MYOM2: variants seen among roughly 807,000 people sequenced by gnomAD.
MYOM2 encodes myomesin-2.
Under a neutral mutation model 187.6 loss-of-function variants are expected in MYOM2, and 254 were observed. That is an observed-to-expected ratio of 1.35 (90% CI 1.22 to 1.50). MYOM2 has a LOEUF of 1.50. Ranked by LOEUF, MYOM2 falls within the 40% of genes most tolerant of loss-of-function variation. MYOM2 has a pLI of 0.00. For synonymous variants in MYOM2, 981 were observed against 753.8 expected, an observed-to-expected ratio of 1.30 and a Z score of -4.94; for missense variants, 2,796 against 1,924.0, an observed-to-expected ratio of 1.45 and a Z score of -8.48.
intron 19 of MYOM2, 119 bp downstream of exon 19, chr8:2,099,102 G>T (rs1358029279): frequency 7.5e-7 from 1 of 1,328,000 alleles, no homozygotes; most frequent in Non-Finnish European, 1.0e-6. Flanking sequence ...TCCGACACCC[G>T]CAGCCGCAGA....
rs1254261489 is a variant in MYOM2 at position 2,064,208 on chromosome 8, ACCCTGGGAGGCAGGGCAAGGGTG to A, written c.653+4968_653+4990del. Among the ~76,000 whole-genome samples the A allele has an allele frequency of 2.0e-5, 3 of 152,256 alleles. No homozygotes were observed. The East Asian group carries it at 5.8e-4, about 29-fold the overall frequency. On this transcript the variant is annotated intron_variant, in intron 6 of 36. Transcript: ENST00000262113. Reference sequence around the variant, plus strand: ...CGGCCTCGGGGCAGGCAGGGGGCAAACCCTGGGAGGCAGGGCAAGGGTGCCCTTACCTCCCTCCCAGGGCAGGT... The same window carrying A: ...CGGCCTCGGGGCAGGCAGGGGGCAAACCCTTACCTCCCTCCCAGGGCAGGT...
rs946530816 is a variant in MYOM2 at position 2,138,368 on chromosome 8, G to A, written c.3801-2355G>A. 5.9e-5 allele frequency among the ~76,000 whole-genome samples: 9 copies of A among 152,272 alleles called. No homozygotes were observed. The East Asian group carries it at 7.7e-4, about 13-fold the overall frequency. ...GACTGTGGACTGAGAGCAGCTGGGC[G>A]GAGCCTGGGGCTCTGCTGCGGGGTC... On this transcript the variant is annotated intron_variant, in intron 32 of 36. Coordinates refer to ENST00000262113, the MANE Select transcript of MYOM2 (RefSeq NM_003970.4).
chr8:2,090,293 G>A (rs1796253794), intron 15 of MYOM2, 102 bp downstream of exon 15: 16 of 1,148,808 alleles, frequency 1.4e-5, no homozygotes, highest in East Asian at 2.7e-5. Context: ...TGTTATAAAC[G>A]AGTTGAAGTT....
chr8:2,085,465 A>C lies in MYOM2; in HGVS notation c.1644+75A>C, dbSNP rs775719869. ...CACTGTCATGATCTCTGCGTGGCCC[A>C]CCGCTGTCGTGATCTCCGCGTGGCC... On this transcript the variant is annotated intron_variant, in intron 14 of 36. Coordinates refer to ENST00000262113, the MANE Select transcript of MYOM2 (RefSeq NM_003970.4). The C allele has an allele frequency of 2.5e-3, 3,627 of 1,439,620 alleles. 87 individuals carry two copies. Among genetic ancestry groups the C allele is most frequent in the Middle Eastern group, 7.8e-3 (38 of 4,890 alleles). 89.2% of individuals were successfully genotyped at this position (1,439,620 alleles called of 1,614,324 possible). A position where few individuals can be genotyped will look rare whatever the true frequency, so the allele number is the denominator to read the frequency against.
intron 25 of MYOM2, among the ~76,000 whole-genome samples, chr8:2,113,270 G>A (rs770446496): frequency 6.6e-6 from 1 of 152,238 alleles, no homozygotes; most frequent in South Asian, 2.1e-4. Flanking sequence ...ACACTGGGAT[G>A]TGGTCCTTCT....
intron 16 of MYOM2, 47 bp downstream of exon 16, chr8:2,092,567 A>G: frequency 6.3e-7 from 1 of 1,594,064 alleles, no homozygotes; most frequent in Non-Finnish European, 8.6e-7. Context: ...CAGGAGTAGC[A>G]AGACCGTTGA....
chr8:2,103,127 G>A (rs58772214), intron 21 of MYOM2, among the ~76,000 whole-genome samples: 2,344 of 147,772 alleles, frequency 0.016, 58 homozygotes, highest in African/African-American at 0.056. Context: ...TGTATGGGTG[G>A]GTGGGTGTGT....
At position 2,078,915 on chromosome 8, in the gene MYOM2, G is replaced by C; in HGVS notation, c.1444G>C (p.Asp482His). The C allele has an allele frequency of 1.2e-6, 2 of 1,613,866 alleles. No homozygotes were observed. Among genetic ancestry groups the C allele is most frequent in the Non-Finnish European group, 1.7e-6 (2 of 1,179,836 alleles). Residue 482 changes from aspartate to histidine, a missense_variant, in exon 12 of 37, where the codon GAC becomes CAC. Transcript: ENST00000262113. The stretch of plus-strand genomic sequence containing the variant: ...TGCGGTGGCTGCACTTGACCCCTTG[G>C]ACCTCAGAAGGTTACAAGGTAAGCT... ...SDAVAALDPL[D>H]LRRLQAVHLE... is the part of the protein sequence containing the mutation.
At chr8:2,065,646 T>C (rs571164830) in intron 6 of MYOM2, among the ~76,000 whole-genome samples, 147 of 152,314 alleles carry the variant, frequency 9.7e-4, no homozygotes, top group African/African-American at 3.5e-3. Flanking sequence ...TGTTTCTTCT[T>C]ATTCTCTATT....
intron 32 of MYOM2, among the ~76,000 whole-genome samples, chr8:2,138,205 C>G (rs937155368): frequency 6.6e-6 from 1 of 152,214 alleles, no homozygotes; most frequent in Admixed American, 6.5e-5. Context: ...TCCGTGTTGC[C>G]TTTAATGTAA....
In MYOM2 at chr8:2,059,263, G is replaced by T. The variant is rs375190907; in HGVS notation, c.653+18G>T. The T allele has an allele frequency of 1.2e-6, 2 of 1,608,170 alleles. No individual in the cohort carries two copies. Among genetic ancestry groups the T allele is most frequent in the African/African-American group, 1.3e-5 (1 of 74,954 alleles). ...ATCAACAGGTATGGCTGTGGTGGGG[G>T]CTCTGGACGCTGGCGTCCAGTAATC... On this transcript the variant is annotated intron_variant, in intron 6 of 36. Coordinates refer to ENST00000262113, the MANE Select transcript of MYOM2 (RefSeq NM_003970.4).
Position 2,142,257 on chromosome 8 carries a change from A to G in MYOM2, c.4002-118A>G. On this transcript the variant is annotated intron_variant, in intron 34 of 36. Coordinates refer to ENST00000262113, the MANE Select transcript of MYOM2 (RefSeq NM_003970.4). ...AACATGTTCTTCTAAGAGAATGCAA[A>G]CGTATCTCCTTCTTCTTTTGCTTCA... 1.1e-5 allele frequency: 11 copies of G among 1,016,544 alleles called. No individual in the cohort carries two copies. In the South Asian group the frequency reaches 1.4e-4, roughly 13 times the overall value. The allele number at this position is 1,016,544 out of a possible 1,614,324, so 63.0% of individuals were successfully genotyped here. A position where few individuals can be genotyped will look rare whatever the true frequency, so the allele number is the denominator to read the frequency against.
intron 1 of MYOM2, among the ~76,000 whole-genome samples, chr8:2,045,479 C>T (rs1818282524): frequency 6.6e-6 from 1 of 152,218 alleles, no homozygotes; most frequent in Non-Finnish European, 1.5e-5. Flanking sequence ...CAGGGGGCCC[C>T]CCAGTCAGTG....
Position 2,089,998 on chromosome 8 carries a change from C to G in MYOM2, c.1645-10C>G, listed in dbSNP as rs538389451. The G allele has an allele frequency of 1.9e-6, 3 of 1,613,036 alleles. No homozygotes were observed. The highest frequency in any genetic ancestry group is 2.5e-6 in the Non-Finnish European group (3 of 1,179,372). The stretch of plus-strand genomic sequence containing the variant: ...TTCACTGCCAGTCTCGTTTCTGTTT[C>G]TCTTTGTAGTCCGTGGTGGGGAGCG... On this transcript the variant is annotated splice_polypyrimidine_tract_variant and intron_variant, in intron 14 of 36. Coordinates refer to ENST00000262113, the MANE Select transcript of MYOM2 (RefSeq NM_003970.4).
Position 2,123,164 on chromosome 8 carries a change from G to C in MYOM2, c.3454-88G>C, listed in dbSNP as rs564431620. 70 of 832,794 alleles carry C rather than the reference G, an allele frequency of 8.4e-5. No homozygotes were observed. In the Admixed American group the frequency reaches 1.3e-3, roughly 15 times the overall value. The allele number at this position is 832,794 out of a possible 1,614,324, so 51.6% of individuals were successfully genotyped here. ...AAAAACTAAGGTTTTTTGAGGGGGGGGCTCTGTGATTTAAGATTCTAATAG... is the reference window on the plus strand; with the variant it reads ...AAAAACTAAGGTTTTTTGAGGGGGGCGCTCTGTGATTTAAGATTCTAATAG... On this transcript the variant is annotated intron_variant, in intron 28 of 36. Coordinates refer to ENST00000262113, the MANE Select transcript of MYOM2 (RefSeq NM_003970.4).
intron 27 of MYOM2, among the ~76,000 whole-genome samples, chr8:2,117,254 A>G (rs900577560): frequency 1.3e-5 from 2 of 151,672 alleles, no homozygotes; most frequent in Admixed American, 6.6e-5. Context: ...ATTTATGTAT[A>G]TGAAAGAAGT....
At chr8:2,135,431 T>C (rs2116902099) in intron 32 of MYOM2, among the ~76,000 whole-genome samples, 1 of 152,328 alleles carries the variant, frequency 6.6e-6, no homozygotes, top group Admixed American at 6.5e-5. Context: ...TCATTTGTTT[T>C]GGGAAATGTG....
chr8:2,099,178 T>C (rs925505593), intron 19 of MYOM2, among the ~76,000 whole-genome samples, 195 bp downstream of exon 19: 2 of 152,166 alleles, frequency 1.3e-5, no homozygotes, highest in African/African-American at 4.8e-5. Flanking sequence ...GTTTGGGCTG[T>C]GCGTGGTCCA....
At position 2,116,279 on chromosome 8, in the gene MYOM2, A is replaced by G; in HGVS notation, c.3385+4A>G. Reference sequence around the variant, plus strand: ...AAAGAATTTCTCAGGAAACAAGGTGAGTTTCCTCACTCTGACCGGCTCCCC... The same window carrying G: ...AAAGAATTTCTCAGGAAACAAGGTGGGTTTCCTCACTCTGACCGGCTCCCC... On this transcript the variant is annotated splice_donor_region_variant and intron_variant, in intron 27 of 36. Coordinates refer to ENST00000262113, the MANE Select transcript of MYOM2 (RefSeq NM_003970.4). 2.5e-6 allele frequency: 4 copies of G among 1,612,068 alleles called. No homozygotes were observed. The highest frequency in any genetic ancestry group is 3.4e-6 in the Non-Finnish European group (4 of 1,178,792).
Sources: allele counts gnomAD v4.1 joint callset (sites outside exome capture counted in the v4.1 genomes callset), GRCh38; gene constraint gnomAD v4.1.1; transcripts MANE v1.5; gene names NCBI Gene and HGNC (gene_info 2026-07-23, HGNC 2026-07-21).